The following JAM2 variants were observed in gnomAD, a reference collection of about 807,000 sequenced individuals.
JAM2 encodes the protein junctional adhesion molecule B.
In JAM2, 17 loss-of-function variants were observed where a neutral mutation model predicts 42.0. That is an observed-to-expected ratio of 0.40 (90% CI 0.28 to 0.61). The LOEUF (loss-of-function observed/expected upper bound fraction) is 0.61. Among genes scored for constraint, JAM2 ranks in the 20% least tolerant of loss-of-function variants. The pLI, the probability that JAM2 is intolerant of heterozygous loss-of-function variation, is 0.37. For missense variants in JAM2, 319 were observed against 358.3 expected (o/e 0.89, Z 0.89); for synonymous variants, 118 against 128.6 (o/e 0.92, Z 0.56).
Position 25,665,715 on chromosome 21 carries a change from A to G in JAM2, c.68-18168A>G, listed in dbSNP as rs148493677. 5.9e-3 allele frequency among the ~76,000 whole-genome samples: 904 copies of G among 152,194 alleles called. 18 individuals carry two copies. Among genetic ancestry groups the G allele is most frequent in the African/African-American group, 0.021 (860 of 41,498 alleles). ...AATTGACCGGATGAGACCCACCAAC[A>G]TTACGGAGGGCAACATGCTTTACCG... On this transcript the variant is annotated intron_variant, in intron 1 of 9. Coordinates refer to ENST00000480456, the MANE Select transcript of JAM2 (RefSeq NM_021219.4).
At chr21:25,682,563 G>A (rs1026418667) in intron 1 of JAM2, among the ~76,000 whole-genome samples, 3 of 152,216 alleles carry the variant, frequency 2.0e-5, no homozygotes, top group Admixed American at 6.5e-5. Flanking sequence ...AGGAGCCCAT[G>A]TGGGTGTGTG....
At chr21:25,675,836 A>G (rs780473177) in intron 1 of JAM2, among the ~76,000 whole-genome samples, 6 of 152,206 alleles carry the variant, frequency 3.9e-5, no homozygotes, top group Non-Finnish European at 8.8e-5. Flanking sequence ...TGGGACACAG[A>G]TCTAAACCAT....
intron 2 of JAM2, among the ~76,000 whole-genome samples, chr21:25,687,464 G>A (rs918179117): frequency 6.6e-6 from 1 of 152,156 alleles, no homozygotes; most frequent in African/African-American, 2.4e-5. Flanking sequence ...AAATTATGCT[G>A]GCATAAGTAC....
At chr21:25,709,357 C>T in intron 7 of JAM2, 77 bp from the exon 8 acceptor site, 1 of 768,996 alleles carries the variant, frequency 1.3e-6, no homozygotes, top group South Asian at 2.4e-5. Flanking sequence ...TAAATTAAAC[C>T]CAAACTCATT....
chr21:25,698,587 A>G (rs542317279), intron 4 of JAM2, 90 bp from the exon 5 acceptor site: 2 of 1,103,520 alleles, frequency 1.8e-6, no homozygotes, highest in South Asian at 1.5e-5. Flanking sequence ...AAAACCATTG[A>G]TTGTAGAGAC....
At chr21:25,704,360 T>A (rs556545059) in intron 6 of JAM2, among the ~76,000 whole-genome samples, 1 of 152,302 alleles carries the variant, frequency 6.6e-6, no homozygotes, top group East Asian at 1.9e-4. Context: ...AAAAGACTTA[T>A]CAAGTTTTCT....
Position 25,715,563 on chromosome 21 carries a change from C to G in JAM2, c.*891C>G, listed in dbSNP as rs2034462681. The stretch of plus-strand genomic sequence containing the variant: ...TGTGCAGTGACATTCCGGGCCAAGT[C>G]CCTTAGTCAGGGGTTGACAATTCTG... On this transcript the variant is annotated 3_prime_UTR_variant, in exon 10 of 10. Coordinates refer to ENST00000480456, the MANE Select transcript of JAM2 (RefSeq NM_021219.4). 1.3e-5 allele frequency: 2 copies of G among 152,172 alleles called. No homozygotes were observed. The highest frequency in any genetic ancestry group is 2.9e-5 in the Non-Finnish European group (2 of 68,042). 9.4% of individuals were successfully genotyped at this position (152,172 alleles called of 1,614,324 possible). A position where few individuals can be genotyped will look rare whatever the true frequency, so the allele number is the denominator to read the frequency against.
At chr21:25,645,226 G>A (rs1235514339) in intron 1 of JAM2, among the ~76,000 whole-genome samples, 1 of 152,168 alleles carries the variant, frequency 6.6e-6, no homozygotes, top group Non-Finnish European at 1.5e-5. Flanking sequence ...GCATAGTATG[G>A]TGGTAAAGAA....
At chr21:25,706,134 G>A (rs758104270) in intron 7 of JAM2, 48 bp downstream of exon 7, 1 of 1,160,886 alleles carries the variant, frequency 8.6e-7, no homozygotes, top group Non-Finnish European at 1.3e-6. Flanking sequence ...TATGGCTATG[G>A]AGTTTATTTA....
intron 2 of JAM2, among the ~76,000 whole-genome samples, chr21:25,688,325 T>C (rs1248563845): frequency 2.0e-5 from 3 of 152,016 alleles, no homozygotes; most frequent in Non-Finnish European, 4.4e-5. Context: ...TATCTAAATA[T>C]GTAAAACAAT....
At chr21:25,657,140 C>T (rs1344426586) in intron 1 of JAM2, among the ~76,000 whole-genome samples, 1 of 151,836 alleles carries the variant, frequency 6.6e-6, no homozygotes, top group Non-Finnish European at 1.5e-5. Flanking sequence ...TCTCTGTCAC[C>T]CAGGCTAGCG....
chr21:25,686,213 C>A (rs1447390602), intron 2 of JAM2, among the ~76,000 whole-genome samples: 1 of 152,110 alleles, frequency 6.6e-6, no homozygotes, highest in African/African-American at 2.4e-5. Flanking sequence ...TAATGTATTG[C>A]AAGCAAATGT....
chr21:25,695,872 C>A (rs1289709053), intron 4 of JAM2, among the ~76,000 whole-genome samples: 2 of 151,732 alleles, frequency 1.3e-5, no homozygotes, highest in African/African-American at 4.8e-5. Context: ...AGAAGATGGG[C>A]GGCCGGGAAG....
At chr21:25,711,892 A>G (rs1293690992) in intron 8 of JAM2, 2 of 211,842 alleles carry the variant, frequency 9.4e-6, no homozygotes, top group African/African-American at 4.8e-5. Context: ...ATGCCCTCAC[A>G]TTCATTAAAT....
rs187686689 is a variant in JAM2, at chr21:25,652,842, A to T, written c.67+12954A>T. 1.1e-4 allele frequency among the ~76,000 whole-genome samples: 16 copies of T among 152,376 alleles called. 1 individual carries two copies. In the East Asian group the frequency reaches 3.1e-3, roughly 29 times the overall value. On this transcript the variant is annotated intron_variant, in intron 1 of 9. Transcript: ENST00000480456. ...CCCAGAAGACATCACAGCCTGTATC[A>T]ATCAGCTTTGAAGAAGTAACAGATA...
At chr21:25,673,542 G>T (rs2033409566) in intron 1 of JAM2, among the ~76,000 whole-genome samples, 1 of 152,172 alleles carries the variant, frequency 6.6e-6, no homozygotes, top group African/African-American at 2.4e-5. Context: ...ATGGAAATTT[G>T]TAGTATACTC....
rs1379406203 is a variant in JAM2 at position 25,712,090 on chromosome 21, T to C, written c.822-250T>C. 10 of 436,310 alleles carry C rather than the reference T, an allele frequency of 2.3e-5. 1 individual carries two copies. In the East Asian group the frequency reaches 3.1e-4, roughly 13 times the overall value. 27.0% of individuals were successfully genotyped at this position (436,310 alleles called of 1,614,324 possible). On this transcript the variant is annotated intron_variant, in intron 8 of 9. Transcript: ENST00000480456. The stretch of plus-strand genomic sequence containing the variant: ...GGTTTGTGTATTCCACAAAAATCTT[T>C]AGTATACTAGCCACAAGCTACATTT...
intron 1 of JAM2, among the ~76,000 whole-genome samples, chr21:25,655,184 G>A (rs1409989248): frequency 2.6e-5 from 4 of 151,874 alleles, no homozygotes; most frequent in African/African-American, 9.7e-5. Flanking sequence ...AGTAAATGTA[G>A]TAAACATGAT....
intron 1 of JAM2, among the ~76,000 whole-genome samples, chr21:25,665,549 GA>G (rs1429610174): frequency 1.3e-5 from 2 of 152,104 alleles, no homozygotes; most frequent in Non-Finnish European, 2.9e-5. Context: ...TTGTTTTAAG[GA>G]ATTGGTTCAT....
Sources: allele counts gnomAD v4.1 joint callset (sites outside exome capture counted in the v4.1 genomes callset), GRCh38; gene constraint gnomAD v4.1.1; transcripts MANE v1.5; gene names NCBI Gene and HGNC (gene_info 2026-07-23, HGNC 2026-07-21).